EBF1: variants seen among roughly 807,000 people sequenced by gnomAD.
EBF1 encodes transcription factor COE1.
Under a neutral mutation model 68.4 loss-of-function variants are expected in EBF1, and 10 were observed. The ratio of observed to expected loss-of-function variants is 0.15; its 90% CI spans 0.09 to 0.25. The LOEUF is 0.25. Ranked by LOEUF, EBF1 falls within the 10% of genes least tolerant of loss-of-function variation. The pLI, the probability that EBF1 is intolerant of heterozygous loss-of-function variation, is 1.00. For missense variants in EBF1, 509 were observed against 794.4 expected (o/e 0.64, Z 4.32); for synonymous variants, 298 against 299.8 (o/e 0.99, Z 0.06).
chr5:158,721,251 C>A (rs1400913419), intron 11 of EBF1, among the ~76,000 whole-genome samples: 2 of 152,088 alleles, frequency 1.3e-5, no homozygotes, highest in Admixed American at 1.3e-4. Context: ...TGGAGGTAAA[C>A]CAGAAAGCCT....
At chr5:158,962,373 G>A (rs1818344657) in intron 6 of EBF1, among the ~76,000 whole-genome samples, 1 of 152,070 alleles carries the variant, frequency 6.6e-6, no homozygotes, top group South Asian at 2.1e-4. Context: ...GGGGACCGAG[G>A]CAAGCAGAGG....
chr5:158,753,301 T>C (rs2127595766), intron 10 of EBF1, among the ~76,000 whole-genome samples: 1 of 152,164 alleles, frequency 6.6e-6, no homozygotes, highest in South Asian at 2.1e-4. Flanking sequence ...CATCTTACTC[T>C]CTCCACAACT....
intron 6 of EBF1, among the ~76,000 whole-genome samples, chr5:159,019,352 CTAAG>C (rs1766228927): frequency 6.6e-6 from 1 of 152,182 alleles, no homozygotes; most frequent in African/African-American, 2.4e-5. Flanking sequence ...GCTCATATAA[CTAAG>C]TGTGTCACAT....
intron 7 of EBF1, among the ~76,000 whole-genome samples, chr5:158,835,190 C>T (rs543499607): frequency 6.6e-6 from 1 of 152,316 alleles, no homozygotes; most frequent in Non-Finnish European, 1.5e-5. Flanking sequence ...AAAGACTAAT[C>T]CTCCCTGTCT....
intron 6 of EBF1, among the ~76,000 whole-genome samples, chr5:158,988,049 T>C (rs1244180348): frequency 2.6e-5 from 4 of 152,160 alleles, no homozygotes; most frequent in African/African-American, 9.7e-5. Flanking sequence ...ACTGGAATAT[T>C]AAATACTGTA....
At chr5:159,043,171 C>A (rs1771595731) in intron 6 of EBF1, among the ~76,000 whole-genome samples, 1 of 152,164 alleles carries the variant, frequency 6.6e-6, no homozygotes, top group South Asian at 2.1e-4. Context: ...GATGAGGTTA[C>A]TTTTCCAAGG....
intron 6 of EBF1, among the ~76,000 whole-genome samples, chr5:158,918,058 ACTCT>A (rs1165065835): frequency 6.6e-6 from 1 of 151,890 alleles, no homozygotes; most frequent in African/African-American, 2.4e-5. Flanking sequence ...CCTAGGCCTC[ACTCT>A]CCTTCAGCCA....
chr5:158,743,265 G>A (rs764986699), intron 10 of EBF1, among the ~76,000 whole-genome samples: 12 of 152,138 alleles, frequency 7.9e-5, no homozygotes, highest in African/African-American at 1.4e-4. Flanking sequence ...ATTTTTCTAC[G>A]GAAAAGGACA....
At chr5:158,786,442 G>A (rs756503471) in intron 9 of EBF1, among the ~76,000 whole-genome samples, 2 of 152,078 alleles carry the variant, frequency 1.3e-5, no homozygotes, top group Non-Finnish European at 2.9e-5. Flanking sequence ...ACTTTCTCCA[G>A]CTCTCTTCCC....
At chr5:158,733,138 A>G (rs990652097) in intron 10 of EBF1, among the ~76,000 whole-genome samples, 13 of 152,226 alleles carry the variant, frequency 8.5e-5, no homozygotes, top group African/African-American at 3.1e-4. Flanking sequence ...CAAGAGATGC[A>G]TGAGAGAGAC....
intron 7 of EBF1, among the ~76,000 whole-genome samples, chr5:158,838,211 C>A (rs1313341736): frequency 6.6e-6 from 1 of 151,894 alleles, no homozygotes; most frequent in African/African-American, 2.4e-5. Context: ...TTTGGGAGGC[C>A]GAGACAAGCA....
chr5:158,734,733 A>G (rs1043917350), intron 10 of EBF1, among the ~76,000 whole-genome samples: 1 of 151,266 alleles, frequency 6.6e-6, no homozygotes, highest in Non-Finnish European at 1.5e-5. Flanking sequence ...TAGAGCAAGA[A>G]AAAAAAACTT....
intron 15 of EBF1, among the ~76,000 whole-genome samples, chr5:158,701,208 C>T (rs1756695554): frequency 6.6e-6 from 1 of 152,120 alleles, no homozygotes; most frequent in Non-Finnish European, 1.5e-5. Flanking sequence ...ATTCTGCGTG[C>T]CTGGCATTAA....
chr5:158,861,008 A>C (rs2128030597), intron 6 of EBF1, among the ~76,000 whole-genome samples: 1 of 152,282 alleles, frequency 6.6e-6, no homozygotes, highest in Non-Finnish European at 1.5e-5. Context: ...AATCCTCAAC[A>C]AAAGCTTTAA....
intron 6 of EBF1, among the ~76,000 whole-genome samples, chr5:158,902,153 C>G (rs1803526381): frequency 6.6e-6 from 1 of 152,148 alleles, no homozygotes; most frequent in South Asian, 2.1e-4. Context: ...TATACTGCTT[C>G]CCATCTACTG....
intron 6 of EBF1, among the ~76,000 whole-genome samples, chr5:158,996,700 T>C (rs1350087738): frequency 6.6e-6 from 1 of 152,204 alleles, no homozygotes; most frequent in African/African-American, 2.4e-5. Context: ...TTCTACCATT[T>C]ATTACTGAGT....
In EBF1 at chr5:159,099,412, C is replaced by T. The variant is rs1186586890; in HGVS notation, c.67G>A (p.Gly23Ser). 2 of 1,601,934 alleles carry T rather than the reference C, an allele frequency of 1.2e-6. No homozygotes were observed. The highest frequency in any genetic ancestry group is 1.7e-6 in the Non-Finnish European group (2 of 1,174,340). Residue 23 changes from glycine (G) to serine (S), a missense_variant, in exon 1 of 16, where the codon GGC (glycine) becomes AGC (serine). Around this residue, in one of 3 missense-constraint regions of EBF1, gnomAD observed 74 missense variants for 79.4 expected, o/e 0.93. Transcript: ENST00000313708. ...ATCCACGTCCGCACCGCGTTCATGC[C>T]GCTGCCCAGCGGCTCTTCCTTCATG... The part of the protein sequence containing the change: ...SSMKEEPLGS[G>S]MNAVRTWMQG...
chr5:159,060,552 G>A (rs764607136), intron 6 of EBF1, among the ~76,000 whole-genome samples: 4 of 152,140 alleles, frequency 2.6e-5, no homozygotes, highest in Admixed American at 6.5e-5. Context: ...ATCTATTGTG[G>A]TTTTACGTGT....
In EBF1 at chr5:158,965,641, T is replaced by C. The variant is rs187846902; in HGVS notation, c.554+107755A>G. On this transcript the variant is annotated intron_variant, in intron 6 of 15. Transcript: ENST00000313708. The stretch of plus-strand genomic sequence containing the variant: ...TAAATGTTGATTTAAGATTTGGGAT[T>C]AAAGAAGGAACACACCACCTGTCTT... Among the ~76,000 whole-genome samples the C allele has an allele frequency of 7.9e-5, 12 of 152,336 alleles. No homozygotes were observed. The East Asian group carries it at 1.2e-3, about 15-fold the overall frequency.
Sources: allele counts gnomAD v4.1 joint callset (sites outside exome capture counted in the v4.1 genomes callset), GRCh38; gene constraint gnomAD v4.1.1; regional missense constraint gnomAD v4.1.1; transcripts MANE v1.5; gene names NCBI Gene and HGNC (gene_info 2026-07-23, HGNC 2026-07-21).